UXS1: variants seen among roughly 807,000 people sequenced by gnomAD.
UXS1 encodes the protein UDP-glucuronic acid decarboxylase 1.
Under a neutral mutation model 62.6 loss-of-function variants are expected in UXS1, and 33 were observed. The observed-to-expected ratio is 0.53, with a 90% CI of 0.40 to 0.70. UXS1 has a LOEUF of 0.70. Among genes scored for constraint, UXS1 ranks in the 30% least tolerant of loss-of-function variants. UXS1 has a pLI of 0.00. For synonymous variants in UXS1, 213 were observed against 206.8 expected, an observed-to-expected ratio of 1.03 and a Z score of -0.26; for missense variants, 434 against 556.3, an observed-to-expected ratio of 0.78 and a Z score of 2.21.
At chr2:106,143,439 G>A (rs79022137) in intron 6 of UXS1, among the ~76,000 whole-genome samples, 19,713 of 59,906 alleles carry the variant, frequency 0.33, 2,624 homozygotes, top group Middle Eastern at 0.49. Flanking sequence ...AAAAAAAAAA[G>A]GTATAATTTG....
At chr2:106,163,806 T>C in intron 3 of UXS1, 96 bp from the exon 4 acceptor site, 1 of 669,798 alleles carries the variant, frequency 1.5e-6, no homozygotes, top group Non-Finnish European at 2.2e-6. Flanking sequence ...CAAAACAGGT[T>C]TTAATTTCTT....
intron 5 of UXS1, among the ~76,000 whole-genome samples, chr2:106,151,939 T>C (rs1682050304): frequency 6.6e-6 from 1 of 152,136 alleles, no homozygotes; most frequent in South Asian, 2.1e-4. Context: ...GGAGTGACAA[T>C]AATATTTTAG....
At chr2:106,177,429 C>T (rs1683958310) in intron 1 of UXS1, among the ~76,000 whole-genome samples, 1 of 152,150 alleles carries the variant, frequency 6.6e-6, no homozygotes, top group Non-Finnish European at 1.5e-5. Context: ...TTCCAGACCT[C>T]AGGTGAACCA....
At chr2:106,155,277 A>T (rs1399609134) in intron 5 of UXS1, among the ~76,000 whole-genome samples, 1 of 152,224 alleles carries the variant, frequency 6.6e-6, no homozygotes, top group East Asian at 1.9e-4. Flanking sequence ...TATACGACCA[A>T]AAATAAGATA....
chr2:106,184,865 G>C (rs1684465053), intron 1 of UXS1, among the ~76,000 whole-genome samples: 1 of 152,144 alleles, frequency 6.6e-6, no homozygotes, highest in African/African-American at 2.4e-5. Context: ...AAGGTAGGCA[G>C]CTCAGGAGAC....
intron 6 of UXS1, among the ~76,000 whole-genome samples, chr2:106,139,376 T>C (rs1239488517): frequency 6.6e-6 from 1 of 152,192 alleles, no homozygotes; most frequent in Non-Finnish European, 1.5e-5. Flanking sequence ...AATCTTATGT[T>C]GGGAAGTGGC....
chr2:106,174,846 CAGCT>C (rs1683780760), intron 1 of UXS1, among the ~76,000 whole-genome samples: 1 of 152,254 alleles, frequency 6.6e-6, no homozygotes, highest in South Asian at 2.1e-4. Flanking sequence ...TGAGGACACA[CAGCT>C]AGCGCCCACC....
intron 6 of UXS1, among the ~76,000 whole-genome samples, chr2:106,130,853 T>C (rs913396005): frequency 1.3e-5 from 2 of 152,108 alleles, no homozygotes; most frequent in Non-Finnish European, 2.9e-5. Flanking sequence ...CCTTCATTCA[T>C]ATATATATAT....
At chr2:106,106,534 C>T (rs1266642621) in intron 10 of UXS1, among the ~76,000 whole-genome samples, 1 of 152,128 alleles carries the variant, frequency 6.6e-6, no homozygotes, top group African/African-American at 2.4e-5. Context: ...GAAGGCCTTA[C>T]ACTGAGAAAA....
chr2:106,190,882 C>T (rs2104301807), intron 1 of UXS1, among the ~76,000 whole-genome samples: 1 of 151,942 alleles, frequency 6.6e-6, no homozygotes, highest in Non-Finnish European at 1.5e-5. Context: ...AAAGGTAATT[C>T]AAGCAGTCTG....
At chr2:106,149,558 A>G (rs1269070218) in intron 5 of UXS1, among the ~76,000 whole-genome samples, 2 of 152,170 alleles carry the variant, frequency 1.3e-5, no homozygotes, top group African/African-American at 4.8e-5. Context: ...GTGATGACAT[A>G]GCAAGAAGAC....
At chr2:106,164,714 CA>C in intron 3 of UXS1, 21 bp downstream of exon 3, 1 of 1,525,546 alleles carries the variant, frequency 6.6e-7, no homozygotes, top group Non-Finnish European at 8.9e-7. Context: ...GAAATAGATA[CA>C]AAAATAGAAA....
chr2:106,099,925 A>G (rs1278360311), intron 12 of UXS1, among the ~76,000 whole-genome samples: 1 of 152,228 alleles, frequency 6.6e-6, no homozygotes, highest in Non-Finnish European at 1.5e-5. Context: ...CGTGATGAGA[A>G]TTCCCTTTCA....
chr2:106,181,753 G>A (rs1684258980), intron 1 of UXS1, among the ~76,000 whole-genome samples: 1 of 152,144 alleles, frequency 6.6e-6, no homozygotes, highest in African/African-American at 2.4e-5. Context: ...ATCCATACTA[G>A]TTAAGAAGAA....
chr2:106,188,536 G>C (rs1258958954), intron 1 of UXS1, among the ~76,000 whole-genome samples: 1 of 152,214 alleles, frequency 6.6e-6, no homozygotes, highest in Non-Finnish European at 1.5e-5. Context: ...CAGGGTCTCT[G>C]ACAGAGGAGC....
intron 5 of UXS1, among the ~76,000 whole-genome samples, chr2:106,155,854 A>G (rs1648689581): frequency 6.6e-6 from 1 of 152,240 alleles, no homozygotes; most frequent in African/African-American, 2.4e-5. Flanking sequence ...ACAACCGGAC[A>G]GCCATATCCA....
intron 10 of UXS1, among the ~76,000 whole-genome samples, chr2:106,105,694 T>C (rs1298429701): frequency 1.3e-5 from 2 of 152,186 alleles, no homozygotes; most frequent in Admixed American, 6.5e-5. Flanking sequence ...GATACCAGCA[T>C]GGGATGAGCA....
At chr2:106,136,908 A>G (rs1372259489) in intron 6 of UXS1, among the ~76,000 whole-genome samples, 2 of 138,776 alleles carry the variant, frequency 1.4e-5, no homozygotes, top group Non-Finnish European at 3.1e-5. Flanking sequence ...AACTTAAAGT[A>G]TAATAATAAT....
intron 1 of UXS1, among the ~76,000 whole-genome samples, chr2:106,178,432 G>T (rs1256178455): frequency 1.3e-5 from 2 of 151,868 alleles, no homozygotes; most frequent in Non-Finnish European, 2.9e-5. Flanking sequence ...AAGGCAAAAA[G>T]TATGTGTATG....
Sources: allele counts gnomAD v4.1 joint callset (sites outside exome capture counted in the v4.1 genomes callset), GRCh38; gene constraint gnomAD v4.1.1; transcripts MANE v1.5; gene names NCBI Gene and HGNC (gene_info 2026-07-23, HGNC 2026-07-21).